Variants in GRIP1 observed in about 807,000 individuals in gnomAD.
GRIP1 encodes the protein glutamate receptor interacting protein 1.
GRIP1 carries 45 observed loss-of-function variants against 129.9 expected under a neutral mutation model. The ratio of observed to expected loss-of-function variants is 0.35; its 90% CI spans 0.27 to 0.44. The LOEUF is 0.44. Ranked by LOEUF, GRIP1 falls within the 20% of genes least tolerant of loss-of-function variation. The pLI is 1.00. For missense variants in GRIP1, 1,196 were observed against 1,396.8 expected, an observed-to-expected ratio of 0.86 and a Z score of 2.29; for synonymous variants, 530 against 520.8, an observed-to-expected ratio of 1.02 and a Z score of -0.24.
At chr12:66,377,554 T>A (rs2055861911) in intron 20 of GRIP1, among the ~76,000 whole-genome samples, 1 of 149,758 alleles carries the variant, frequency 6.7e-6, no homozygotes, top group Non-Finnish European at 1.5e-5. Context: ...TTAGCCAGGA[T>A]GGTCTCGATC....
At chr12:66,605,986 C>T (rs1424020675) in intron 1 of GRIP1, among the ~76,000 whole-genome samples, 1 of 152,070 alleles carries the variant, frequency 6.6e-6, no homozygotes, top group African/African-American at 2.4e-5. Context: ...TGATTCTTCC[C>T]AGGGTCATTG....
At chr12:66,755,782 G>A (rs1160873848) in intron 1 of GRIP1, among the ~76,000 whole-genome samples, 2 of 152,206 alleles carry the variant, frequency 1.3e-5, no homozygotes, top group Non-Finnish European at 2.9e-5. Flanking sequence ...ACTCCCCAAG[G>A]GGTGAACTCT....
At chr12:66,854,023 G>A (rs1260102864) in intron 1 of GRIP1, among the ~76,000 whole-genome samples, 1 of 151,862 alleles carries the variant, frequency 6.6e-6, no homozygotes, top group East Asian at 1.9e-4. Context: ...ATGGGCATAA[G>A]AAAAAAATAA....
chr12:66,754,749 G>A (rs890549541), intron 1 of GRIP1, among the ~76,000 whole-genome samples: 11 of 152,162 alleles, frequency 7.2e-5, no homozygotes, highest in Non-Finnish European at 1.5e-5. Flanking sequence ...TTTCATGTAG[G>A]AGAAATGAAA....
At chr12:66,507,779 C>CTTTCT (rs1555197335) in intron 7 of GRIP1, among the ~76,000 whole-genome samples, 3 of 148,910 alleles carry the variant, frequency 2.0e-5, no homozygotes, top group South Asian at 2.1e-4. Context: ...TTCTTTCTTT[C>CTTTCT]TTTTTTTTTA....
At chr12:66,617,520 C>T (rs1361783599) in intron 1 of GRIP1, among the ~76,000 whole-genome samples, 4 of 152,024 alleles carry the variant, frequency 2.6e-5, no homozygotes, top group Non-Finnish European at 5.9e-5. Context: ...ATTAGAACCA[C>T]TTTCCAAAGA....
intron 13 of GRIP1, among the ~76,000 whole-genome samples, chr12:66,444,279 G>A (rs1035524091): frequency 1.5e-3 from 229 of 151,800 alleles, no homozygotes; most frequent in Non-Finnish European, 2.8e-3. Context: ...GAGGTCAGGA[G>A]ATCGAGACCA....
At chr12:67,051,121 T>C (rs2043339090) in intron 1 of GRIP1, among the ~76,000 whole-genome samples, 1 of 152,106 alleles carries the variant, frequency 6.6e-6, no homozygotes, top group Non-Finnish European at 1.5e-5. Flanking sequence ...AAGAAGTAAA[T>C]GTCAGCATCC....
intron 1 of GRIP1, among the ~76,000 whole-genome samples, chr12:66,967,202 CTG>C (rs1289276475): frequency 2.0e-5 from 3 of 152,076 alleles, no homozygotes; most frequent in African/African-American, 7.2e-5. Context: ...CAAATAATAA[CTG>C]TACACATTTA....
chr12:67,049,061 G>A (rs1430012879), intron 1 of GRIP1, among the ~76,000 whole-genome samples: 1 of 152,032 alleles, frequency 6.6e-6, no homozygotes, highest in Non-Finnish European at 1.5e-5. Flanking sequence ...CTGGCCTCAA[G>A]CAATCCTCCC....
At chr12:66,665,109 C>T (rs1464894712) in intron 1 of GRIP1, among the ~76,000 whole-genome samples, 2 of 151,834 alleles carry the variant, frequency 1.3e-5, no homozygotes, top group Non-Finnish European at 2.9e-5. Context: ...CTCGATCTCC[C>T]TGGGTGAAGA....
chr12:66,847,676 T>G (rs1239626040), intron 1 of GRIP1, among the ~76,000 whole-genome samples: 1 of 152,154 alleles, frequency 6.6e-6, no homozygotes, highest in Non-Finnish European at 1.5e-5. Context: ...ATAAAAATTT[T>G]CTGTTCAAAA....
chr12:66,955,590 C>G (rs1421298041), intron 1 of GRIP1, among the ~76,000 whole-genome samples: 1 of 151,082 alleles, frequency 6.6e-6, no homozygotes, highest in Non-Finnish European at 1.5e-5. Flanking sequence ...TCACTGCAAC[C>G]TCCACCTCCC....
chr12:66,845,519 T>C (rs1272797927), intron 1 of GRIP1, among the ~76,000 whole-genome samples: 1 of 152,182 alleles, frequency 6.6e-6, no homozygotes, highest in African/African-American at 2.4e-5. Flanking sequence ...TTTCTGGTAT[T>C]AATTTTTGCA....
At chr12:66,499,072 G>A (rs2060316853) in intron 7 of GRIP1, among the ~76,000 whole-genome samples, 1 of 152,186 alleles carries the variant, frequency 6.6e-6, no homozygotes, top group Non-Finnish European at 1.5e-5. Context: ...TGGAAATGTA[G>A]CCTTCAACAT....
chr12:66,676,765 C>T (rs1010115942), intron 1 of GRIP1, among the ~76,000 whole-genome samples: 3 of 152,124 alleles, frequency 2.0e-5, no homozygotes, highest in Non-Finnish European at 4.4e-5. Flanking sequence ...CCCAAATACA[C>T]TCCTGACCCT....
chr12:67,066,979 T>C (rs1872022471), intron 1 of GRIP1, among the ~76,000 whole-genome samples: 1 of 149,548 alleles, frequency 6.7e-6, no homozygotes, highest in Non-Finnish European at 1.5e-5. Context: ...CAAAACCATA[T>C]ATTTGTCCAT....
chr12:66,701,815 G>A (rs2035362941), intron 1 of GRIP1, among the ~76,000 whole-genome samples: 1 of 152,162 alleles, frequency 6.6e-6, no homozygotes, highest in African/African-American at 2.4e-5. Flanking sequence ...TTGCTTAAAT[G>A]GCGTATTTCA....
intron 1 of GRIP1, among the ~76,000 whole-genome samples, chr12:66,774,329 A>G (rs901859188): frequency 1.3e-5 from 2 of 152,176 alleles, no homozygotes; most frequent in African/African-American, 4.8e-5. Flanking sequence ...AAAGCTCTTA[A>G]AGTTGCCATG....
Sources: allele counts gnomAD v4.1 joint callset (sites outside exome capture counted in the v4.1 genomes callset), GRCh38; gene constraint gnomAD v4.1.1; transcripts MANE v1.5; gene names NCBI Gene and HGNC (gene_info 2026-07-23, HGNC 2026-07-21).